CSMD3: variants seen among roughly 807,000 people sequenced by gnomAD.
The protein encoded by CSMD3 is CUB and Sushi multiple domains 3, also known as CUB and sushi domain-containing protein 3.
Under a neutral mutation model 435.2 loss-of-function variants are expected in CSMD3, and 177 were observed. The observed-to-expected ratio is 0.41, with a 90% CI of 0.36 to 0.46. The LOEUF is 0.46. CSMD3 is among the 20% of genes least tolerant of loss of function. The pLI is 0.34. For synonymous variants in CSMD3, 1,656 were observed against 1,520.5 expected, an observed-to-expected ratio of 1.09 and a Z score of -2.07; for missense variants, 4,265 against 4,504.6, an observed-to-expected ratio of 0.95 and a Z score of 1.52.
At chr8:113,163,548 T>A (rs1055680313) in intron 4 of CSMD3, among the ~76,000 whole-genome samples, 1 of 152,016 alleles carries the variant, frequency 6.6e-6, no homozygotes, top group African/African-American at 2.4e-5. Flanking sequence ...AAGAAACTTA[T>A]TCTAGAAATT....
chr8:112,287,915 A>G (rs1320664370), intron 57 of CSMD3, among the ~76,000 whole-genome samples: 2 of 152,066 alleles, frequency 1.3e-5, no homozygotes, highest in African/African-American at 4.8e-5. Flanking sequence ...TTTTGATTTT[A>G]GTGTTAAAGA....
intron 32 of CSMD3, among the ~76,000 whole-genome samples, chr8:112,410,574 G>A (rs1161052807): frequency 1.8e-5 from 2 of 108,224 alleles, no homozygotes; most frequent in African/African-American, 7.5e-5. Flanking sequence ...ATTGTACTAT[G>A]TATATACATA....
intron 10 of CSMD3, among the ~76,000 whole-genome samples, chr8:112,896,545 T>G (rs2081954575): frequency 7.6e-6 from 1 of 131,608 alleles, no homozygotes; most frequent in South Asian, 2.6e-4. Context: ...ACCACCTTAT[T>G]TAATCCATCA....
intron 13 of CSMD3, among the ~76,000 whole-genome samples, chr8:112,775,372 T>C (rs1257900288): frequency 2.0e-5 from 3 of 151,890 alleles, no homozygotes; most frequent in African/African-American, 7.2e-5. Context: ...ATTTAATAAA[T>C]GTTAGTTGAA....
intron 10 of CSMD3, among the ~76,000 whole-genome samples, chr8:112,881,194 T>C (rs1157800951): frequency 6.6e-6 from 1 of 152,034 alleles, no homozygotes; most frequent in East Asian, 1.9e-4. Context: ...CCCAAACAAG[T>C]TGATTATATA....
chr8:113,081,792 C>G (rs1365815809), intron 5 of CSMD3, among the ~76,000 whole-genome samples: 5 of 152,124 alleles, frequency 3.3e-5, no homozygotes, highest in Non-Finnish European at 7.3e-5. Flanking sequence ...TAGCTGTAAC[C>G]TAGCACCTCA....
intron 13 of CSMD3, among the ~76,000 whole-genome samples, chr8:112,755,319 A>C (rs2077667598): frequency 7.1e-6 from 1 of 141,480 alleles, no homozygotes; most frequent in Admixed American, 7.1e-5. Context: ...CGACGGAGGG[A>C]GACTCCGTCT....
chr8:113,236,836 T>TCTAC (rs1293367894), intron 3 of CSMD3, among the ~76,000 whole-genome samples: 10 of 152,258 alleles, frequency 6.6e-5, no homozygotes, highest in African/African-American at 2.4e-5. Context: ...TATCTATCTA[T>TCTAC]CTACCTACCT....
At position 112,602,528 on chromosome 8, in the gene CSMD3, T is replaced by C. The variant is rs558048670; in HGVS notation, c.3716-15293A>G. On this transcript the variant is annotated intron_variant, in intron 22 of 70. Transcript: ENST00000297405. ...TTGCCGTGAGCCAAGATAGTGCCAT[T>C]GCACTCCAGCCTGGGCAACAAGAGC... 1.7e-3 allele frequency among the ~76,000 whole-genome samples: 250 copies of C among 148,598 alleles called. 3 individuals carry two copies. The highest frequency in any genetic ancestry group is 6.0e-3 in the African/African-American group (240 of 40,140).
At chr8:113,192,228 A>C (rs2131986766) in intron 3 of CSMD3, among the ~76,000 whole-genome samples, 1 of 151,862 alleles carries the variant, frequency 6.6e-6, no homozygotes, top group African/African-American at 2.4e-5. Context: ...TGAAAACCAA[A>C]GCCATTCTGA....
rs1283555462 is a variant in CSMD3 at position 112,458,215 on chromosome 8, C to CCACACACACACACACA, written c.5395+14375_5395+14376insTGTGTGTGTGTGTGTG. 4.5e-3 allele frequency among the ~76,000 whole-genome samples: 675 copies of CCACACACACACACACA among 150,788 alleles called. 9 individuals carry two copies. Among genetic ancestry groups the CCACACACACACACACA allele is most frequent in the African/African-American group, 0.01 (430 of 41,144 alleles). ...TACGTACACACACACACACTCACAC[C>CCACACACACACACACA]CACACACACACAGAGAAACAGAGAT... On this transcript the variant is annotated intron_variant, in intron 32 of 70. Coordinates refer to ENST00000297405, the MANE Select transcript of CSMD3 (RefSeq NM_198123.2).
intron 1 of CSMD3, among the ~76,000 whole-genome samples, chr8:113,395,626 AAT>A (rs1491261664): frequency 5.9e-4 from 85 of 144,632 alleles, no homozygotes; most frequent in African/African-American, 2.1e-3. Context: ...AAAAAAAAAA[AAT>A]TGGAAATCTA....
At chr8:112,945,797 G>A (rs962376265) in intron 9 of CSMD3, among the ~76,000 whole-genome samples, 1 of 151,026 alleles carries the variant, frequency 6.6e-6, no homozygotes, top group African/African-American at 2.4e-5. Flanking sequence ...TCCTATTTAC[G>A]CTCTATAATT....
At position 112,693,117 on chromosome 8, in the gene CSMD3, C is replaced by T. The variant is rs78519292; in HGVS notation, c.1973-3067G>A. Among the ~76,000 whole-genome samples the T allele has an allele frequency of 3.7e-3, 570 of 152,126 alleles. 11 individuals carry two copies. In the East Asian group the frequency reaches 0.051, roughly 14 times the overall value. ...GATGCTGTTCCAGGGATCTAAGATACACCAATAAATAAACAGACAAGGATT... is the reference window on the plus strand; with the variant it reads ...GATGCTGTTCCAGGGATCTAAGATATACCAATAAATAAACAGACAAGGATT... On this transcript the variant is annotated intron_variant, in intron 13 of 70. Coordinates refer to ENST00000297405, the MANE Select transcript of CSMD3 (RefSeq NM_198123.2).
At chr8:112,831,139 C>G (rs561830180) in intron 11 of CSMD3, among the ~76,000 whole-genome samples, 3 of 152,106 alleles carry the variant, frequency 2.0e-5, no homozygotes, top group Admixed American at 6.6e-5. Context: ...TTAATATTTG[C>G]ATTGACTAAA....
chr8:112,587,825 A>G (rs1025773320), intron 22 of CSMD3, among the ~76,000 whole-genome samples: 13 of 151,838 alleles, frequency 8.6e-5, no homozygotes, highest in Non-Finnish European at 1.3e-4. Flanking sequence ...GATCTTTAGA[A>G]ATTATATCAC....
At chr8:112,234,525 A>AAG in intron 67 of CSMD3, 48 bp from the exon 68 acceptor site, 1 of 974,388 alleles carries the variant, frequency 1.0e-6, no homozygotes, top group Non-Finnish European at 1.7e-6. Flanking sequence ...GTAAATAGTT[A>AAG]TACTTCATTT....
chr8:113,064,823 T>A (rs1364246333), intron 5 of CSMD3, among the ~76,000 whole-genome samples: 4 of 152,168 alleles, frequency 2.6e-5, no homozygotes, highest in Non-Finnish European at 5.9e-5. Flanking sequence ...TAGCAGTACA[T>A]CACTGAAGCC....
chr8:112,653,287 G>A (rs891903250), intron 18 of CSMD3, among the ~76,000 whole-genome samples: 1 of 152,014 alleles, frequency 6.6e-6, no homozygotes, highest in East Asian at 1.9e-4. Flanking sequence ...GTAATACAAC[G>A]TTTGAACATT....
Sources: gnomAD v4.1 joint callset for allele counts (sites outside exome capture counted in the v4.1 genomes callset) on GRCh38, gnomAD v4.1.1 for gene constraint, MANE v1.5 for transcripts, NCBI Gene and HGNC (gene_info 2026-07-23, HGNC 2026-07-21) for gene names.